The following MTSS1 variants were observed in gnomAD, a reference collection of about 807,000 sequenced individuals.
MTSS1 encodes protein MTSS 1.
MTSS1 carries 18 observed loss-of-function variants against 79.0 expected under a neutral mutation model. The ratio of observed to expected loss-of-function variants is 0.23; its 90% CI spans 0.16 to 0.34. MTSS1 has a LOEUF of 0.34. MTSS1 is among the 10% of genes least tolerant of loss of function. MTSS1 has a pLI of 1.00. For missense variants in MTSS1, 815 were observed against 986.2 expected, an observed-to-expected ratio of 0.83 and a Z score of 2.33; for synonymous variants, 341 against 368.6, an observed-to-expected ratio of 0.93 and a Z score of 0.86.
intron 1 of MTSS1, among the ~76,000 whole-genome samples, chr8:124,709,423 A>T (rs1830840061): frequency 6.6e-6 from 1 of 152,200 alleles, no homozygotes. Flanking sequence ...ACCTGAGAAC[A>T]CATAAAGGCT....
intron 5 of MTSS1, among the ~76,000 whole-genome samples, 169 bp from the exon 6 acceptor site, chr8:124,585,330 G>A (rs1830674714): frequency 6.6e-6 from 1 of 152,080 alleles, no homozygotes; most frequent in African/African-American, 2.4e-5. Context: ...ACAACAAAGG[G>A]GCTAGAGACA....
intron 5 of MTSS1, among the ~76,000 whole-genome samples, chr8:124,586,531 T>C (rs1830880363): frequency 6.6e-6 from 1 of 151,954 alleles, no homozygotes; most frequent in African/African-American, 2.4e-5. Flanking sequence ...CTCTCCTCCC[T>C]CCCCCTACAA....
At chr8:124,558,411 C>G (rs536788514) in intron 10 of MTSS1, among the ~76,000 whole-genome samples, 1 of 151,930 alleles carries the variant, frequency 6.6e-6, no homozygotes, top group Non-Finnish European at 1.5e-5. Flanking sequence ...GTGGGTGGCT[C>G]GGGAAGGGAG....
chr8:124,588,116 T>A (rs1831191462), intron 5 of MTSS1, among the ~76,000 whole-genome samples: 1 of 152,128 alleles, frequency 6.6e-6, no homozygotes, highest in African/African-American at 2.4e-5. Flanking sequence ...GAGGGGTGAA[T>A]AATTTGAATG....
chr8:124,727,598 C>G lies in MTSS1; in HGVS notation c.72+286G>C, dbSNP rs750623643. 5.1e-6 allele frequency: 3 copies of G among 591,422 alleles called. No individual in the cohort carries two copies. The highest frequency in any genetic ancestry group is 6.4e-6 in the Non-Finnish European group (2 of 313,840). The allele number at this position is 591,422 out of a possible 1,614,324, so 36.6% of individuals were successfully genotyped here. ...CAATGGGAAAACTTGCAGCCAGTGC[C>G]TTGAGCCCCCGAGGGAAAGAAATGG... On this transcript the variant is annotated intron_variant, in intron 1 of 13. Transcript: ENST00000518547. The surrounding 1 kb of genome is among the most constrained non-coding windows in gnomAD (Gnocchi z 4.7).
intron 3 of MTSS1, among the ~76,000 whole-genome samples, chr8:124,657,319 C>T (rs1360859500): frequency 2.6e-5 from 4 of 151,866 alleles, no homozygotes; most frequent in East Asian, 1.9e-4. Flanking sequence ...ACTGAAGCTG[C>T]GTAATGGGGT....
intron 6 of MTSS1, among the ~76,000 whole-genome samples, chr8:124,570,034 G>A (rs376438400): frequency 3.9e-5 from 6 of 152,316 alleles, no homozygotes; most frequent in African/African-American, 1.4e-4. Flanking sequence ...AATTGCCTTG[G>A]ATGTAGGAAC....
At chr8:124,718,074 T>C (rs1832358826) in intron 1 of MTSS1, among the ~76,000 whole-genome samples, 1 of 151,642 alleles carries the variant, frequency 6.6e-6, no homozygotes, top group African/African-American at 2.4e-5. Flanking sequence ...CTTGGCTCCC[T>C]GACCCTTTGC....
chr8:124,676,784 T>C (rs1361990709), intron 3 of MTSS1, among the ~76,000 whole-genome samples: 1 of 152,296 alleles, frequency 6.6e-6, no homozygotes, highest in South Asian at 2.1e-4. Context: ...AGTAGGTTAC[T>C]TGAAGGGGCA....
At chr8:124,609,375 C>G (rs977138602) in intron 3 of MTSS1, among the ~76,000 whole-genome samples, 2 of 152,218 alleles carry the variant, frequency 1.3e-5, no homozygotes, top group Non-Finnish European at 2.9e-5. Flanking sequence ...CTGACAACGT[C>G]TCAGGGCAAA....
In MTSS1 at chr8:124,555,950, G is replaced by GC. The variant is rs757562406; in HGVS notation, c.1405-47dup. ...ATACACAGGTTGCTTTAGGGGGGGG[G>GC]CTCAACAGCACTCCTGTTCTGCCCC... On this transcript the variant is annotated intron_variant, in intron 12 of 13. Coordinates refer to ENST00000518547, the MANE Select transcript of MTSS1 (RefSeq NM_014751.6). 62 of 1,531,164 alleles carry GC rather than the reference G, an allele frequency of 4.0e-5. No individual in the cohort carries two copies. In the African/African-American group the frequency reaches 7.7e-4, roughly 19 times the overall value. The allele number at this position is 1,531,164 out of a possible 1,614,324, so 94.8% of individuals were successfully genotyped here. A position where few individuals can be genotyped will look rare whatever the true frequency, so the allele number is the denominator to read the frequency against.
chr8:124,688,775 A>G (rs1827446501), intron 3 of MTSS1, among the ~76,000 whole-genome samples: 1 of 152,156 alleles, frequency 6.6e-6, no homozygotes, highest in Non-Finnish European at 1.5e-5. Context: ...AGAGCCAACA[A>G]CTGCTTAGGT....
rs746948880 is a variant in MTSS1, at chr8:124,683,353, C to G, written c.208+16173G>C. Reference sequence around the variant, plus strand: ...CAAAGTCTTACAATAGCCTGCAGTACACTATCAAATACTAGCTTTATGTAT... The same window carrying G: ...CAAAGTCTTACAATAGCCTGCAGTAGACTATCAAATACTAGCTTTATGTAT... On this transcript the variant is annotated intron_variant, in intron 3 of 13. Transcript: ENST00000518547. The surrounding 1 kb of genome is among the most constrained non-coding windows in gnomAD (Gnocchi z 4.5). Among the ~76,000 whole-genome samples the G allele has an allele frequency of 6.6e-6, 1 of 152,150 alleles. No individual in the cohort carries two copies. The highest frequency in any genetic ancestry group is 2.4e-5 in the African/African-American group (1 of 41,430).
rs571272349 is a variant in MTSS1, at chr8:124,698,813, C to T, written c.208+713G>A. The stretch of plus-strand genomic sequence containing the variant: ...CTGGGATTACAGGCATGACCCACCG[C>T]GCCTGACCATAATGTTGCATTTCTA... On this transcript the variant is annotated intron_variant, in intron 3 of 13. Transcript: ENST00000518547. Among the ~76,000 whole-genome samples, 15 of 152,244 alleles carry T rather than the reference C, an allele frequency of 9.9e-5. 1 individual carries two copies. In the South Asian group the frequency reaches 2.7e-3, roughly 27 times the overall value.
At chr8:124,611,502 T>A (rs1047215763) in intron 3 of MTSS1, among the ~76,000 whole-genome samples, 21 of 151,884 alleles carry the variant, frequency 1.4e-4, no homozygotes, top group Non-Finnish European at 1.3e-4. Flanking sequence ...CCTGGGATAC[T>A]CTCCTACAGG....
Position 124,589,717 on chromosome 8 carries a change from A to C in MTSS1, c.294-6T>G. ...TCAGACAATCAATTAAAGCGCTTTT[A>C]CCAAGCGGGGGGGAAAAAGGGAGAA... On this transcript the variant is annotated splice_polypyrimidine_tract_variant and splice_region_variant and intron_variant, in intron 4 of 13. Coordinates refer to ENST00000518547, the MANE Select transcript of MTSS1 (RefSeq NM_014751.6). 6.3e-7 allele frequency: 1 copy of C among 1,596,166 alleles called. No individual in the cohort carries two copies.
At chr8:124,665,439 A>C (rs1822877393) in intron 3 of MTSS1, among the ~76,000 whole-genome samples, 2 of 152,184 alleles carry the variant, frequency 1.3e-5, no homozygotes, top group African/African-American at 4.8e-5. Context: ...CTTTGTCTTC[A>C]TCCCAATTCT....
At chr8:124,575,882 T>C (rs1828876843) in intron 6 of MTSS1, among the ~76,000 whole-genome samples, 1 of 152,214 alleles carries the variant, frequency 6.6e-6, no homozygotes, top group East Asian at 1.9e-4. Context: ...TACTCCACCA[T>C]CTGCCAACCT....
At chr8:124,663,899 G>A (rs910380821) in intron 3 of MTSS1, among the ~76,000 whole-genome samples, 60 of 152,336 alleles carry the variant, frequency 3.9e-4, no homozygotes, top group African/African-American at 1.4e-3. Context: ...AGCACAGAGA[G>A]GAGCGCAGAT....
Sources: gnomAD v4.1 joint callset for allele counts (sites outside exome capture counted in the v4.1 genomes callset) on GRCh38, gnomAD v4.1.1 for gene constraint, Gnocchi (gnomAD v3.1) non-coding constraint, MANE v1.5 for transcripts, NCBI Gene and HGNC (gene_info 2026-07-23, HGNC 2026-07-21) for gene names.